The following GAS7 variants were observed in gnomAD, a reference collection of about 807,000 sequenced individuals.
The protein encoded by GAS7 is growth arrest-specific protein 7.
A neutral mutation model predicts 71.1 loss-of-function variants in GAS7; 28 were observed. The ratio of observed to expected loss-of-function variants is 0.39; its 90% CI spans 0.29 to 0.54. The LOEUF (loss-of-function observed/expected upper bound fraction) is 0.54. Among genes scored for constraint, GAS7 ranks in the 20% least tolerant of loss-of-function variants. GAS7 has a pLI of 0.62. For synonymous variants in GAS7, 258 were observed against 245.8 expected, an observed-to-expected ratio of 1.05 and a Z score of -0.46; for missense variants, 436 against 627.8, an observed-to-expected ratio of 0.69 and a Z score of 3.27.
chr17:10,005,084 T>TGTATGCACGCATACATGCGTGTGTGTGC (rs2071428812), intron 2 of GAS7, among the ~76,000 whole-genome samples: 2 of 150,282 alleles, frequency 1.3e-5, no homozygotes, highest in Non-Finnish European at 3.0e-5. Flanking sequence ...CATACATGCG[T>TGTATGCACGCATACATGCGTGTGTGTGC]GTGTGCACGC....
chr17:10,014,442 G>C (rs932591789), intron 2 of GAS7, among the ~76,000 whole-genome samples: 1 of 152,140 alleles, frequency 6.6e-6, no homozygotes, highest in Non-Finnish European at 1.5e-5. Context: ...ATTTCCCATG[G>C]ATTCCCGCTG....
chr17:10,026,759 C>T lies in GAS7; in HGVS notation c.184-6862G>A, dbSNP rs563798430. Among the ~76,000 whole-genome samples the T allele has an allele frequency of 2.0e-5, 3 of 152,308 alleles. No individual in the cohort carries two copies. Among genetic ancestry groups the T allele is most frequent in the Admixed American group, 2.0e-4 (3 of 15,302 alleles). On this transcript the variant is annotated intron_variant, in intron 1 of 13. Coordinates refer to ENST00000432992, the MANE Select transcript of GAS7 (RefSeq NM_201433.2). This position sits in a 1 kb window ranked among gnomAD's most constrained non-coding sequence, Gnocchi z 4.5. ...GACACCTGTTTAGGTGGGCAGACTC[C>T]TACACAGAGCTGGGAACAGCTACCC...
In GAS7 at chr17:9,913,286, C is replaced by G; in HGVS notation, c.*3942G>C. 4.3e-6 allele frequency: 1 copy of G among 232,670 alleles called. No individual in the cohort carries two copies. The highest frequency in any genetic ancestry group is 8.5e-6 in the Non-Finnish European group (1 of 117,546). 14.4% of individuals were successfully genotyped at this position (232,670 alleles called of 1,614,324 possible). A position where few individuals can be genotyped will look rare whatever the true frequency, so the allele number is the denominator to read the frequency against. ...ACGTGGGGGGGCAGCTGATCTGTAC[C>G]CCACTTAACATTAGAAGTGCTCTCT... On this transcript the variant is annotated 3_prime_UTR_variant, in exon 14 of 14. Coordinates refer to ENST00000432992, the MANE Select transcript of GAS7 (RefSeq NM_201433.2).
intron 5 of GAS7, among the ~76,000 whole-genome samples, chr17:9,951,531 T>G (rs993349241): frequency 6.6e-6 from 1 of 151,694 alleles, no homozygotes; most frequent in Non-Finnish European, 1.5e-5. Flanking sequence ...CCGAGATGGG[T>G]GGATCACCTG....
At chr17:10,011,346 T>C (rs2071765032) in intron 2 of GAS7, among the ~76,000 whole-genome samples, 1 of 152,134 alleles carries the variant, frequency 6.6e-6, no homozygotes, top group African/African-American at 2.4e-5. Flanking sequence ...AAACCAAATG[T>C]GTAGGGAAAT....
At chr17:10,089,393 T>A (rs952033394) in intron 1 of GAS7, among the ~76,000 whole-genome samples, 1 of 152,088 alleles carries the variant, frequency 6.6e-6, no homozygotes, top group African/African-American at 2.4e-5. Context: ...AGGAGAAGTG[T>A]GCTTGGCTAC....
intron 1 of GAS7, among the ~76,000 whole-genome samples, chr17:10,178,702 C>CTT (rs397857157): frequency 0.036 from 1,255 of 34,574 alleles, 393 homozygotes; most frequent in Middle Eastern, 0.062. Flanking sequence ...CCCCCACCAC[C>CTT]TTTTTTTTTT....
At chr17:9,963,877 T>G (rs868455554) in intron 4 of GAS7, among the ~76,000 whole-genome samples, 1 of 152,024 alleles carries the variant, frequency 6.6e-6, no homozygotes, top group African/African-American at 2.4e-5. Flanking sequence ...AGATACATTC[T>G]GAAATATTTG....
chr17:10,054,210 A>G (rs2152238123), intron 1 of GAS7, among the ~76,000 whole-genome samples: 1 of 151,824 alleles, frequency 6.6e-6, no homozygotes, highest in African/African-American at 2.4e-5. Flanking sequence ...TTCTTTTCAT[A>G]GACATGGGTG....
At chr17:10,053,508 C>T (rs2073091734) in intron 1 of GAS7, among the ~76,000 whole-genome samples, 1 of 152,182 alleles carries the variant, frequency 6.6e-6, no homozygotes. Context: ...TGCCTGGTCA[C>T]CCTGGAGAAG....
chr17:9,914,665 CGGTG>C lies in GAS7; in HGVS notation c.*2559_*2562del. 1 of 217,670 alleles carries C rather than the reference CGGTG, an allele frequency of 4.6e-6. No individual in the cohort carries two copies. Among genetic ancestry groups the C allele is most frequent in the Non-Finnish European group, 9.2e-6 (1 of 108,312 alleles). The allele number at this position is 217,670 out of a possible 1,614,324, so 13.5% of individuals were successfully genotyped here. ...CATCCAACAGGTAAATGCCTCACGA[CGGTG>C]GTTTATATTATAATAAAGAATCCCA... is the stretch of plus-strand genomic sequence containing the variant. On this transcript the variant is annotated 3_prime_UTR_variant, in exon 14 of 14. Transcript: ENST00000432992.
At chr17:9,978,941 T>G (rs899800654) in intron 3 of GAS7, among the ~76,000 whole-genome samples, 1 of 152,098 alleles carries the variant, frequency 6.6e-6, no homozygotes, top group African/African-American at 2.4e-5. Context: ...TTGTGAAGAC[T>G]TGCCTGTGCA....
At chr17:10,072,577 T>C (rs1168167204) in intron 1 of GAS7, among the ~76,000 whole-genome samples, 1 of 152,222 alleles carries the variant, frequency 6.6e-6, no homozygotes, top group Non-Finnish European at 1.5e-5. Context: ...CAGATGCTTC[T>C]GCCTTCAAAT....
chr17:10,126,260 A>C (rs950636713), intron 1 of GAS7, among the ~76,000 whole-genome samples: 2 of 152,128 alleles, frequency 1.3e-5, no homozygotes, highest in East Asian at 3.9e-4. Context: ...TCAGGGAAGA[A>C]ACCCTTAATG....
At chr17:10,191,078 G>C (rs1044295537) in intron 1 of GAS7, among the ~76,000 whole-genome samples, 1 of 152,216 alleles carries the variant, frequency 6.6e-6, no homozygotes, top group East Asian at 1.9e-4. Flanking sequence ...AGGAGGCTGA[G>C]GTAGGAGGAT....
chr17:10,139,981 T>G (rs2074067676), intron 1 of GAS7, among the ~76,000 whole-genome samples: 2 of 152,156 alleles, frequency 1.3e-5, no homozygotes, highest in Non-Finnish European at 1.5e-5. Context: ...AAAGACAATT[T>G]TATTCCATCC....
At position 10,060,594 on chromosome 17, in the gene GAS7, G is replaced by A. The variant is rs926799172; in HGVS notation, c.184-40697C>T. Among the ~76,000 whole-genome samples, 11 of 152,116 alleles carry A rather than the reference G, an allele frequency of 7.2e-5. No homozygotes were observed. The South Asian group carries it at 1.5e-3, about 20-fold the overall frequency. On this transcript the variant is annotated intron_variant, in intron 1 of 13. Transcript: ENST00000432992. The stretch of plus-strand genomic sequence containing the variant: ...GATTCTGGTCTTCAAGGAGCTAGGG[G>A]CCTTGAACAAATCTTGGACCTTTCT...
chr17:10,160,573 C>T (rs775847450), intron 1 of GAS7, among the ~76,000 whole-genome samples: 2 of 152,186 alleles, frequency 1.3e-5, no homozygotes, highest in Admixed American at 6.5e-5. Flanking sequence ...GGTCTCTCCA[C>T]GGCATACCAA....
intron 1 of GAS7, among the ~76,000 whole-genome samples, chr17:10,076,706 T>C (rs960101825): frequency 1.3e-5 from 2 of 152,186 alleles, no homozygotes; most frequent in African/African-American, 4.8e-5. Context: ...ATACTGATGA[T>C]TTCAAGTTGA....
Sources: gnomAD v4.1 joint callset for allele counts (sites outside exome capture counted in the v4.1 genomes callset) on GRCh38, gnomAD v4.1.1 for gene constraint, Gnocchi (gnomAD v3.1) non-coding constraint, MANE v1.5 for transcripts, NCBI Gene and HGNC (gene_info 2026-07-23, HGNC 2026-07-21) for gene names.